The following RHBDL3 variants were observed in gnomAD, a reference collection of about 807,000 sequenced individuals.
RHBDL3 encodes the protein rhomboid-related protein 3.
Under a neutral mutation model 48.2 loss-of-function variants are expected in RHBDL3, and 28 were observed. The ratio of observed to expected loss-of-function variants is 0.58; its 90% CI spans 0.43 to 0.80. The LOEUF (loss-of-function observed/expected upper bound fraction) is 0.80. RHBDL3 is among the 30% of genes least tolerant of loss of function. RHBDL3 has a pLI of 0.00. For missense variants in RHBDL3, 464 were observed against 542.7 expected (o/e 0.85, Z 1.44); for synonymous variants, 208 against 232.3 (o/e 0.90, Z 0.95).
chr17:32,316,263 T>C lies in RHBDL3; in HGVS notation c.914T>C (p.Leu305Pro). ...TCAGGCATGAAGTGCCAGTTCAAGCTGCTGCGGATGGCTGTGGCCCTTATC... is the reference window on the plus strand; with the variant it reads ...TCAGGCATGAAGTGCCAGTTCAAGCCGCTGCGGATGGCTGTGGCCCTTATC... ...NWSGMKCQFKLLRMAVALICM... is the reference protein window; with the variant it reads ...NWSGMKCQFKPLRMAVALICM... Residue 305 changes from leucine to proline, a missense_variant, in exon 8 of 9, where the codon CTG becomes CCG. Transcript: ENST00000269051. The C allele has an allele frequency of 6.2e-7, 1 of 1,613,990 alleles. No individual in the cohort carries two copies. The highest frequency in any genetic ancestry group is 8.5e-7 in the Non-Finnish European group (1 of 1,179,854).
At chr17:32,268,263 G>A (rs1389167566) in intron 2 of RHBDL3, among the ~76,000 whole-genome samples, 3 of 152,146 alleles carry the variant, frequency 2.0e-5, no homozygotes, top group East Asian at 1.9e-4. Context: ...GTGGGGGAAG[G>A]GCTTGGGCTG....
intron 8 of RHBDL3, among the ~76,000 whole-genome samples, chr17:32,317,504 G>T (rs1004650519): frequency 2.6e-5 from 4 of 152,184 alleles, no homozygotes; most frequent in Non-Finnish European, 5.9e-5. Context: ...TTAGAGGCAA[G>T]CAGGTGTCCA....
chr17:32,283,762 G>A (rs1336754015), intron 2 of RHBDL3, among the ~76,000 whole-genome samples: 6 of 152,130 alleles, frequency 3.9e-5, no homozygotes, highest in Admixed American at 2.0e-4. Context: ...GCTAAGTACC[G>A]GGGATAAGTT....
chr17:32,307,229 C>T (rs1468083038), intron 7 of RHBDL3, among the ~76,000 whole-genome samples: 1 of 152,160 alleles, frequency 6.6e-6, no homozygotes, highest in Admixed American at 6.6e-5. Flanking sequence ...CAGTACCTGG[C>T]ATATGGCTGG....
rs1009288965 is a variant in RHBDL3 at position 32,318,368 on chromosome 17, G to A, written c.943+2076G>A. On this transcript the variant is annotated intron_variant, in intron 8 of 8. Coordinates refer to ENST00000269051, the MANE Select transcript of RHBDL3 (RefSeq NM_138328.3). ...AAGAAAAGAAAAGGCCAGGCGCAGT[G>A]GCTCACGCCTGTACTCCCAGCACTT... 1.0e-4 allele frequency among the ~76,000 whole-genome samples: 15 copies of A among 149,492 alleles called. 1 individual carries two copies. Among genetic ancestry groups the A allele is most frequent in the Non-Finnish European group, 4.4e-5 (3 of 67,578 alleles).
intron 2 of RHBDL3, among the ~76,000 whole-genome samples, chr17:32,282,412 T>A (rs535274013): frequency 7.3e-4 from 111 of 152,138 alleles, no homozygotes; most frequent in African/African-American, 2.4e-3. Flanking sequence ...ACAAAAAATT[T>A]AAAAATTCGC....
intron 1 of RHBDL3, among the ~76,000 whole-genome samples, chr17:32,267,205 T>A (rs1320657791): frequency 1.3e-5 from 2 of 152,126 alleles, no homozygotes; most frequent in Non-Finnish European, 2.9e-5. Flanking sequence ...GTTTACGATC[T>A]TCTCTCTTTG....
chr17:32,288,946 G>A lies in RHBDL3; in HGVS notation c.449G>A (p.Arg150His), dbSNP rs145090577. The A allele has an allele frequency of 3.7e-6, 6 of 1,614,098 alleles. No individual in the cohort carries two copies. Among genetic ancestry groups the A allele is most frequent in the Admixed American group, 1.7e-5 (1 of 60,004 alleles). ...GAGACCCTGCCCCGGGAAATTGACC[G>A]CAAGTGGTACTATGACAGCTACACC... Reference protein sequence around the residue: ...AYETLPREIDRKWYYDSYTCC... With the variant: ...AYETLPREIDHKWYYDSYTCC... Residue 150 changes from arginine (R) to histidine (H), a missense_variant, in exon 4 of 9, where the codon CGC becomes CAC. By Grantham distance (29) the Arg-to-His change is conservative. Transcript: ENST00000269051.
intron 3 of RHBDL3, among the ~76,000 whole-genome samples, chr17:32,287,458 T>A (rs767040736): frequency 6.6e-6 from 1 of 152,094 alleles, no homozygotes; most frequent in Non-Finnish European, 1.5e-5. Context: ...GGATAGAGAA[T>A]GGTTGGAAAA....
In RHBDL3 at chr17:32,298,122, G is replaced by A; in HGVS notation, c.699G>A (p.Leu233=). ...AACACCTGGGACTCAATGTGGTGCT[G>A]CAGCTGCTGGTGGGGGTGCCCCTGG... ...GIEHLGLNVV[L]QLLVGVPLEM... The change falls in exon 6 of 9, where the codon CTG becomes CTA. Residue 233 remains leucine, a synonymous_variant. Coordinates refer to ENST00000269051, the MANE Select transcript of RHBDL3 (RefSeq NM_138328.3). 6.2e-7 allele frequency: 1 copy of A among 1,613,948 alleles called. No homozygotes were observed. Among genetic ancestry groups the A allele is most frequent in the Non-Finnish European group, 8.5e-7 (1 of 1,179,808 alleles).
rs373859886 is a variant in RHBDL3 at position 32,311,148 on chromosome 17, C to T, written c.883-5084C>T. Among the ~76,000 whole-genome samples, 92 of 152,308 alleles carry T rather than the reference C, an allele frequency of 6.0e-4. No homozygotes were observed. In the East Asian group the frequency reaches 0.015, roughly 26 times the overall value. The stretch of plus-strand genomic sequence containing the variant: ...TGAGGGGACTGGTTACCAACTTGTT[C>T]GCTGTGGGTGAGTACTATCTCACTC... On this transcript the variant is annotated intron_variant, in intron 7 of 8. Coordinates refer to ENST00000269051, the MANE Select transcript of RHBDL3 (RefSeq NM_138328.3).
intron 5 of RHBDL3, among the ~76,000 whole-genome samples, chr17:32,296,960 C>G (rs1361879917): frequency 1.3e-5 from 2 of 151,872 alleles, no homozygotes; most frequent in African/African-American, 4.8e-5. Context: ...ATTACAGGCA[C>G]CTGCCAGCCT....
Position 32,284,674 on chromosome 17 carries a change from A to T in RHBDL3, c.151A>T (p.Thr51Ser), listed in dbSNP as rs1256789092. The T allele has an allele frequency of 3.1e-6, 5 of 1,614,016 alleles. No homozygotes were observed. The highest frequency in any genetic ancestry group is 1.3e-5 in the African/African-American group (1 of 74,936). The stretch of plus-strand genomic sequence containing the variant: ...TTTCCCTCAGTTTGACCCTGGGAAC[A>T]CAGGCTACATTAGCACAGGCAAGTT... Reference protein sequence around the residue: ...VLFDQFDPGNTGYISTGKFRS... With the variant: ...VLFDQFDPGNSGYISTGKFRS... The change falls in exon 3 of 9, where the codon ACA becomes TCA. Residue 51 changes from threonine to serine, a missense_variant. Transcript: ENST00000269051.
chr17:32,302,847 A>G (rs1214658218), intron 6 of RHBDL3, among the ~76,000 whole-genome samples: 1 of 152,148 alleles, frequency 6.6e-6, no homozygotes, highest in East Asian at 1.9e-4. Flanking sequence ...CAGCACTGGC[A>G]AACTGTTCTC....
rs913939417 is a variant in RHBDL3 at position 32,322,670 on chromosome 17, G to C, written c.*1441G>C. The C allele has an allele frequency of 6.6e-6, 1 of 152,174 alleles. No homozygotes were observed. The highest frequency in any genetic ancestry group is 6.6e-5 in the Admixed American group (1 of 15,260). The allele number at this position is 152,174 out of a possible 1,614,324, so 9.4% of individuals were successfully genotyped here. A position where few individuals can be genotyped will look rare whatever the true frequency, so the allele number is the denominator to read the frequency against. On this transcript the variant is annotated 3_prime_UTR_variant, in exon 9 of 9. Coordinates refer to ENST00000269051, the MANE Select transcript of RHBDL3 (RefSeq NM_138328.3). Reference sequence around the variant, plus strand: ...CAGAGGGAGGGCAGCCAGTAGCCTCGGAGGCTTGGATGCGGGAGAGAACAT... The same window carrying C: ...CAGAGGGAGGGCAGCCAGTAGCCTCCGAGGCTTGGATGCGGGAGAGAACAT...
chr17:32,268,886 G>C (rs922047013), intron 2 of RHBDL3, among the ~76,000 whole-genome samples: 1 of 152,286 alleles, frequency 6.6e-6, no homozygotes, highest in East Asian at 1.9e-4. Flanking sequence ...GGGCTACGGG[G>C]ATGAGGGAAG....
Position 32,321,313 on chromosome 17 carries a change from C to T in RHBDL3, c.*84C>T, listed in dbSNP as rs2041127418. ...GCGAGGTTTCTTCTCATCACCAGCT[C>T]AGCTAGGCCGGGCAGACAAGGACAG... On this transcript the variant is annotated 3_prime_UTR_variant, in exon 9 of 9. Coordinates refer to ENST00000269051, the MANE Select transcript of RHBDL3 (RefSeq NM_138328.3). 6.3e-7 allele frequency: 1 copy of T among 1,593,134 alleles called. No homozygotes were observed. Among genetic ancestry groups the T allele is most frequent in the Non-Finnish European group, 8.5e-7 (1 of 1,172,680 alleles).
At chr17:32,304,098 T>C (rs1464348315) in intron 6 of RHBDL3, among the ~76,000 whole-genome samples, 2 of 152,144 alleles carry the variant, frequency 1.3e-5, no homozygotes, top group African/African-American at 2.4e-5. Flanking sequence ...AACAATAAAT[T>C]TCCCCTCTTT....
At chr17:32,286,976 C>T (rs189062408) in intron 3 of RHBDL3, among the ~76,000 whole-genome samples, 1 of 152,194 alleles carries the variant, frequency 6.6e-6, no homozygotes, top group African/African-American at 2.4e-5. Flanking sequence ...GTATTTGAAT[C>T]CTGACTCTGT....
Sources: gnomAD v4.1 joint callset for allele counts (sites outside exome capture counted in the v4.1 genomes callset) on GRCh38, gnomAD v4.1.1 for gene constraint, MANE v1.5 for transcripts, NCBI Gene and HGNC (gene_info 2026-07-23, HGNC 2026-07-21) for gene names.